ZNF433: variants seen among roughly 807,000 people sequenced by gnomAD.
ZNF433 encodes zinc finger protein 433.
In ZNF433, 12 loss-of-function variants were observed where a neutral mutation model predicts 10.6. The observed-to-expected ratio is 1.13, with a 90% CI of 0.72 to 1.83. The LOEUF (loss-of-function observed/expected upper bound fraction) is 1.83. ZNF433 is among the 40% of genes most tolerant of loss of function. The pLI is 0.00. For missense variants in ZNF433, 737 were observed against 798.0 expected (o/e 0.92, Z 0.92); for synonymous variants, 272 against 271.3 (o/e 1.00, Z -0.02).
chr19:12,034,599 C>A, intron 1 of ZNF433: 1 of 315,042 alleles, frequency 3.2e-6, no homozygotes, highest in South Asian at 2.7e-5. Context: ...AGAGGTAAGT[C>A]AAATCTTAGA....
intron 1 of ZNF433, among the ~76,000 whole-genome samples, chr19:12,035,306 C>T (rs890800337): frequency 1.3e-5 from 2 of 152,140 alleles, no homozygotes; most frequent in African/African-American, 4.8e-5. Flanking sequence ...AGAGAGGGCT[C>T]TGGGAACTGG....
At chr19:12,030,447 C>G (rs966705408) in intron 1 of ZNF433, among the ~76,000 whole-genome samples, 2 of 152,078 alleles carry the variant, frequency 1.3e-5, no homozygotes, top group African/African-American at 4.8e-5. Context: ...GTCTCGATCT[C>G]TTGACCTCGT....
intron 1 of ZNF433, among the ~76,000 whole-genome samples, chr19:12,020,202 G>C (rs1416559948): frequency 6.6e-6 from 1 of 151,864 alleles, no homozygotes; most frequent in Non-Finnish European, 1.5e-5. Context: ...AATCTGGGCA[G>C]CAGAGGCTGC....
intron 1 of ZNF433, among the ~76,000 whole-genome samples, chr19:12,021,725 C>A (rs1212576656): frequency 6.6e-6 from 1 of 152,128 alleles, no homozygotes; most frequent in Non-Finnish European, 1.5e-5. Context: ...ACTGGAGACT[C>A]TGCTTCAGAA....
intron 1 of ZNF433, among the ~76,000 whole-genome samples, chr19:12,032,102 CT>C (rs534520537): frequency 1.3e-5 from 2 of 150,674 alleles, no homozygotes; most frequent in East Asian, 2.0e-4. Flanking sequence ...CCATGCCCGG[CT>C]TTTTTTTTGT....
intron 3 of ZNF433, among the ~76,000 whole-genome samples, chr19:12,017,306 G>A (rs974029804): frequency 1.5e-4 from 23 of 151,852 alleles, no homozygotes; most frequent in East Asian, 1.9e-4. Flanking sequence ...GGGTTCAAGC[G>A]ATTCTCCTGC....
chr19:12,025,649 TC>T (rs1363728139), intron 1 of ZNF433: 1 of 152,236 alleles, frequency 6.6e-6, no homozygotes, highest in Non-Finnish European at 1.5e-5. Context: ...TCACACATGT[TC>T]CCTCGTTTGG....
chr19:12,020,929 A>T (rs1424901425), intron 1 of ZNF433, among the ~76,000 whole-genome samples: 1 of 151,116 alleles, frequency 6.6e-6, no homozygotes. Context: ...AAAAAAAAAA[A>T]ACAGCACTAA....
chr19:12,015,233 G>A lies in ZNF433; in HGVS notation c.1625C>T (p.Ser542Phe). 6.2e-7 allele frequency: 1 copy of A among 1,610,720 alleles called. No individual in the cohort carries two copies. Among genetic ancestry groups the A allele is most frequent in the Middle Eastern group, 1.7e-4 (1 of 6,024 alleles). ...TCCATGAATTTGAAGCTGTGAGGCAGATCTGAAGGCTTTTCCACATTGCTT... is the reference window on the plus strand; with the variant it reads ...TCCATGAATTTGAAGCTGTGAGGCAAATCTGAAGGCTTTTCCACATTGCTT... ...ECKQCGKAFR[S>F]ASQLQIHGRT... The change falls in exon 4 of 4, where the codon TCT becomes TTT. Residue 542 changes from serine (S) to phenylalanine (F), a missense_variant. By Grantham distance (155) the Ser-to-Phe change is radical. Transcript: ENST00000550507.
chr19:12,030,225 T>A, intron 1 of ZNF433: 5 of 429,492 alleles, frequency 1.2e-5, no homozygotes, highest in South Asian at 8.4e-5. Context: ...TTTATTTTTT[T>A]ATTTTTTTAT....
intron 1 of ZNF433, among the ~76,000 whole-genome samples, chr19:12,030,456 G>A (rs540405463): frequency 1.1e-3 from 169 of 152,136 alleles, no homozygotes; most frequent in African/African-American, 3.2e-3. Context: ...TCTTGACCTC[G>A]TGATCCACCT....
chr19:12,030,487 T>C (rs576356978), intron 1 of ZNF433, among the ~76,000 whole-genome samples: 24 of 152,200 alleles, frequency 1.6e-4, no homozygotes, highest in Non-Finnish European at 2.8e-4. Flanking sequence ...CCCAAAGTGC[T>C]GGGATTACAG....
At position 12,034,789 on chromosome 19, in the gene ZNF433, C is replaced by A. The variant is rs182171687; in HGVS notation, c.3+748G>T. On this transcript the variant is annotated intron_variant, in intron 1 of 3. Coordinates refer to ENST00000550507, the MANE Select transcript of ZNF433 (RefSeq NM_001308348.2). ...TCAACCACCTGCACCTTCTAACCCC[C>A]CTTCCACAGGTCCCGCCCTTTCTGC... is the stretch of plus-strand genomic sequence containing the variant. 888 of 453,794 alleles carry A rather than the reference C, an allele frequency of 2.0e-3. 12 individuals carry two copies. The highest frequency in any genetic ancestry group is 9.7e-3 in the South Asian group (624 of 64,452). The allele number at this position is 453,794 out of a possible 1,614,324, so 28.1% of individuals were successfully genotyped here. A position where few individuals can be genotyped will look rare whatever the true frequency, so the allele number is the denominator to read the frequency against.
chr19:12,015,700 A>G lies in ZNF433; in HGVS notation c.1158T>C (p.Thr386=). ...GGTTGCATTTATAGGGTTTCTCTCC[A>G]GTGTGAGTTTTTTCATGTGTTTGAA... ...SSLQTHEKTH[T]GEKPYKCNQC... The change falls in exon 4 of 4, where the codon ACT becomes ACC. Residue 386 remains threonine (T), a synonymous_variant. Transcript: ENST00000550507. The G allele has an allele frequency of 6.2e-7, 1 of 1,613,748 alleles. No individual in the cohort carries two copies. Among genetic ancestry groups the G allele is most frequent in the South Asian group, 1.1e-5 (1 of 90,988 alleles).
chr19:12,021,772 G>A (rs1974505544), intron 1 of ZNF433, among the ~76,000 whole-genome samples: 1 of 152,062 alleles, frequency 6.6e-6, no homozygotes, highest in Non-Finnish European at 1.5e-5. Flanking sequence ...CTCTCTCCCT[G>A]TGGGGAGACA....
intron 3 of ZNF433, 123 bp from the exon 4 acceptor site, chr19:12,016,789 G>T: frequency 1.5e-6 from 2 of 1,344,568 alleles, no homozygotes; most frequent in Non-Finnish European, 2.0e-6. Context: ...TCTTGCCCAG[G>T]CTGGAGTGTA....
chr19:12,030,211 A>T (rs751312803), intron 1 of ZNF433: 1 of 437,992 alleles, frequency 2.3e-6, no homozygotes, highest in Non-Finnish European at 4.5e-6. Context: ...GTCAGAAAGA[A>T]ATGTTTATTT....
At chr19:12,018,353 A>G in intron 1 of ZNF433, 61 bp from the exon 2 acceptor site, 1 of 1,547,700 alleles carries the variant, frequency 6.5e-7, no homozygotes, top group Non-Finnish European at 8.7e-7. Context: ...GGAAGCCTAT[A>G]CTCTATTCCC....
In ZNF433 at chr19:12,035,536, C is replaced by G. The variant is rs766583302; in HGVS notation, c.3+1G>C. The G allele has an allele frequency of 1.9e-6, 3 of 1,573,366 alleles. No individual in the cohort carries two copies. The South Asian group carries it at 3.5e-5, about 18-fold the overall frequency. On this transcript the variant is annotated splice_donor_variant, in intron 1 of 3. Transcript: ENST00000550507. LOFTEE classifies it high-confidence loss of function. ...TCGGGACCCCTGGCCCGCACGCTCA[C>G]CATTTCTTGCCTTTCAGGTGACTCC...
Sources: allele counts gnomAD v4.1 joint callset (sites outside exome capture counted in the v4.1 genomes callset), GRCh38; gene constraint gnomAD v4.1.1; transcripts MANE v1.5; gene names NCBI Gene and HGNC (gene_info 2026-07-23, HGNC 2026-07-21).